Variants in ENOX1 observed in about 807,000 individuals in gnomAD.
The protein encoded by ENOX1 is candidate growth-related and time keeping constitutive hydroquinone (NADH) oxidase.
ENOX1 carries 42 observed loss-of-function variants against 82.5 expected under a neutral mutation model. That is an observed-to-expected ratio of 0.51 (90% CI 0.40 to 0.66). The LOEUF (loss-of-function observed/expected upper bound fraction) is 0.66. Ranked by LOEUF, ENOX1 falls within the 30% of genes least tolerant of loss-of-function variation. The probability of loss-of-function intolerance (pLI) is 0.00; values close to 1 mark genes in which losing one functional copy is unlikely to be tolerated. For synonymous variants in ENOX1, 271 were observed against 282.2 expected, an observed-to-expected ratio of 0.96 and a Z score of 0.40; for missense variants, 608 against 811.6, an observed-to-expected ratio of 0.75 and a Z score of 3.05.
At chr13:43,695,409 G>A (rs1025232383) in intron 1 of ENOX1, among the ~76,000 whole-genome samples, 1 of 150,102 alleles carries the variant, frequency 6.7e-6, no homozygotes, top group African/African-American at 2.5e-5. Flanking sequence ...AACATATTCA[G>A]ACCCATTCTC....
chr13:43,658,238 A>G (rs1189600974), intron 2 of ENOX1, among the ~76,000 whole-genome samples: 2 of 152,236 alleles, frequency 1.3e-5, no homozygotes, highest in African/African-American at 2.4e-5. Context: ...GAATGTCTCC[A>G]GCTTCCTACA....
chr13:43,597,548 C>A (rs1051840338), intron 2 of ENOX1, among the ~76,000 whole-genome samples: 6 of 152,210 alleles, frequency 3.9e-5, no homozygotes, highest in African/African-American at 1.4e-4. Flanking sequence ...CCACCCAGGT[C>A]AAAATCACAA....
At chr13:43,771,180 C>T (rs550532008) in intron 1 of ENOX1, among the ~76,000 whole-genome samples, 2 of 152,134 alleles carry the variant, frequency 1.3e-5, no homozygotes, top group African/African-American at 4.8e-5. Context: ...AGAGAGAATC[C>T]AAGGCGGGAG....
intron 2 of ENOX1, among the ~76,000 whole-genome samples, chr13:43,604,542 C>T (rs145272884): frequency 1.6e-3 from 236 of 152,208 alleles, no homozygotes; most frequent in Admixed American, 4.8e-3. Flanking sequence ...TGATGTTGAA[C>T]TTTATCAAAT....
intron 1 of ENOX1, among the ~76,000 whole-genome samples, chr13:43,748,163 A>G (rs989442728): frequency 1.3e-5 from 2 of 152,204 alleles, no homozygotes; most frequent in African/African-American, 4.8e-5. Flanking sequence ...AACTATTTCA[A>G]TATAATCGGC....
chr13:43,344,625 G>T lies in ENOX1; in HGVS notation c.949C>A (p.Leu317Ile), dbSNP rs1449064055. The T allele has an allele frequency of 6.2e-7, 1 of 1,614,104 alleles. No individual in the cohort carries two copies. The highest frequency in any genetic ancestry group is 2.2e-5 in the East Asian group (1 of 44,866). ...VQSANSHVRRLMNEKATHEQE... is the reference protein window; with the variant it reads ...VQSANSHVRRIMNEKATHEQE... ...TCATGGGTGGCTTTTTCATTCATTAGCCGGCGGACGTGGCTGTTGGCCGAC... is the reference window on the plus strand; with the variant it reads ...TCATGGGTGGCTTTTTCATTCATTATCCGGCGGACGTGGCTGTTGGCCGAC... The change falls in exon 9 of 17, where the codon CTA becomes ATA. Residue 317 changes from leucine (L) to isoleucine (I), a missense_variant. Transcript: ENST00000690772.
At chr13:43,391,537 ATT>A (rs1327020987) in intron 5 of ENOX1, among the ~76,000 whole-genome samples, 3 of 151,932 alleles carry the variant, frequency 2.0e-5, no homozygotes, top group African/African-American at 7.3e-5. Flanking sequence ...TTCTCCCTCT[ATT>A]TGTTCCTCCT....
At chr13:43,371,570 C>A (rs1357036001) in intron 5 of ENOX1, among the ~76,000 whole-genome samples, 3 of 152,160 alleles carry the variant, frequency 2.0e-5, no homozygotes, top group South Asian at 4.2e-4. Context: ...AGGCAATATG[C>A]AAGTGTTAAC....
At position 43,688,516 on chromosome 13, in the gene ENOX1, C is replaced by G. The variant is rs556981283; in HGVS notation, c.-284-20972G>C. 2.0e-5 allele frequency among the ~76,000 whole-genome samples: 3 copies of G among 152,322 alleles called. No homozygotes were observed. The East Asian group carries it at 5.8e-4, about 29-fold the overall frequency. ...TATGGTTCCTGTCACCACTACTCAACTCTGCTGTTTAGTGAGAAAGTGGAC... is the reference window on the plus strand; with the variant it reads ...TATGGTTCCTGTCACCACTACTCAAGTCTGCTGTTTAGTGAGAAAGTGGAC... On this transcript the variant is annotated intron_variant, in intron 1 of 16. Transcript: ENST00000690772.
intron 2 of ENOX1, among the ~76,000 whole-genome samples, chr13:43,535,184 C>T (rs2078402612): frequency 6.6e-6 from 1 of 152,180 alleles, no homozygotes; most frequent in Non-Finnish European, 1.5e-5. Flanking sequence ...GCTGCTGCTG[C>T]TATCATTATC....
intron 2 of ENOX1, among the ~76,000 whole-genome samples, chr13:43,566,350 A>T: frequency 6.6e-6 from 1 of 152,140 alleles, no homozygotes; most frequent in Non-Finnish European, 1.5e-5. Context: ...GTGACAAATT[A>T]TAGGTATTTT....
rs140844692 is a variant in ENOX1, at chr13:43,500,821, T to G, written c.-218-16669A>C. The stretch of plus-strand genomic sequence containing the variant: ...AAGTAAACTATCACATCAATAACTG[T>G]GTAATAAACATAGTTTTTGTGTGTT... On this transcript the variant is annotated intron_variant, in intron 2 of 16. Coordinates refer to ENST00000690772, the MANE Select transcript of ENOX1 (RefSeq NM_001347969.2). Among the ~76,000 whole-genome samples, 1,174 of 152,008 alleles carry G rather than the reference T, an allele frequency of 7.7e-3. 10 individuals are homozygous for G. Among genetic ancestry groups the G allele is most frequent in the African/African-American group, 0.026 (1,077 of 41,534 alleles).
intron 14 of ENOX1, among the ~76,000 whole-genome samples, chr13:43,251,894 GAT>G (rs998517829): frequency 1.3e-5 from 2 of 152,114 alleles, no homozygotes; most frequent in African/African-American, 4.8e-5. Context: ...GGTCAGGAAT[GAT>G]ATATATGCTT....
chr13:43,780,488 C>T (rs1264177467), intron 1 of ENOX1, among the ~76,000 whole-genome samples: 2 of 152,118 alleles, frequency 1.3e-5, no homozygotes, highest in Admixed American at 6.5e-5. Context: ...TGCTGATACA[C>T]AGATGTGAAT....
At chr13:43,405,738 T>C (rs1183222237) in intron 5 of ENOX1, among the ~76,000 whole-genome samples, 1 of 152,228 alleles carries the variant, frequency 6.6e-6, no homozygotes. Context: ...CTGGCATTAC[T>C]GCCATCACTG....
At chr13:43,624,803 C>T (rs538962572) in intron 2 of ENOX1, among the ~76,000 whole-genome samples, 67 of 152,216 alleles carry the variant, frequency 4.4e-4, no homozygotes, top group East Asian at 2.5e-3. Flanking sequence ...ACTGTATCTA[C>T]ATAATCTCAT....
At chr13:43,587,994 A>C (rs950058528) in intron 2 of ENOX1, among the ~76,000 whole-genome samples, 1 of 152,130 alleles carries the variant, frequency 6.6e-6, no homozygotes, top group Non-Finnish European at 1.5e-5. Flanking sequence ...GAAGGCAGAG[A>C]CTGCATTTTA....
rs1229820776 is a variant in ENOX1, at chr13:43,616,158, A to ATATC, written c.-219+51317_-219+51320dup. ...TCTATCTAGATATCTATATAGATAG[A>ATATC]TATCTATCTATCTATCTATCTATCT... On this transcript the variant is annotated intron_variant, in intron 2 of 16. Coordinates refer to ENST00000690772, the MANE Select transcript of ENOX1 (RefSeq NM_001347969.2). 2.0e-3 allele frequency among the ~76,000 whole-genome samples: 13 copies of ATATC among 6,644 alleles called. 1 individual carries two copies. Among genetic ancestry groups the ATATC allele is most frequent in the African/African-American group, 3.9e-3 (13 of 3,326 alleles). The allele number at this position is 6,644 out of a possible 152,430, so 4.4% of individuals were successfully genotyped here.
At chr13:43,451,975 C>T (rs993360471) in intron 3 of ENOX1, among the ~76,000 whole-genome samples, 4 of 152,076 alleles carry the variant, frequency 2.6e-5, no homozygotes, top group Non-Finnish European at 4.4e-5. Flanking sequence ...TTTTCAAGTA[C>T]GAATTCAGTG....
Sources: allele counts gnomAD v4.1 joint callset (sites outside exome capture counted in the v4.1 genomes callset), GRCh38; gene constraint gnomAD v4.1.1; transcripts MANE v1.5; gene names NCBI Gene and HGNC (gene_info 2026-07-23, HGNC 2026-07-21).